Variants in KCNMB2 observed in about 807,000 individuals in gnomAD.
KCNMB2 encodes potassium calcium-activated channel subfamily M regulatory beta subunit 2.
KCNMB2 carries 9 observed loss-of-function variants against 24.5 expected under a neutral mutation model. The ratio of observed to expected loss-of-function variants is 0.37; its 90% CI spans 0.22 to 0.64. The LOEUF is 0.64. KCNMB2 is among the 30% of genes least tolerant of loss of function. KCNMB2 has a pLI of 0.63. For missense variants in KCNMB2, 226 were observed against 284.3 expected (o/e 0.79, Z 1.47); for synonymous variants, 109 against 104.4 (o/e 1.04, Z -0.27).
Position 178,783,233 on chromosome 3 carries a change from C to T in KCNMB2, c.-67-24110C>T, listed in dbSNP as rs1474138040. On this transcript the variant is annotated intron_variant, in intron 1 of 4. Transcript: ENST00000452583. ...TTTGAAGTCAGGTAGCATGATGCCT[C>T]CAGCTTTGTTCTTTTGGCTTAGGAT... 3.9e-5 allele frequency among the ~76,000 whole-genome samples: 6 copies of T among 152,104 alleles called. No homozygotes were observed. In the East Asian group the frequency reaches 1.2e-3, roughly 29 times the overall value.
In KCNMB2 at chr3:178,841,957, C is replaced by T. The variant is rs1715443955; in HGVS notation, c.424-696C>T. On this transcript the variant is annotated intron_variant, in intron 4 of 4. Coordinates refer to ENST00000452583, the MANE Select transcript of KCNMB2 (RefSeq NM_181361.3). Reference sequence around the variant, plus strand: ...GTGGTGATTAAAGAACTGTTTTATTCTTCCTTGGCTTATAGGAAAAGCTGT... The same window carrying T: ...GTGGTGATTAAAGAACTGTTTTATTTTTCCTTGGCTTATAGGAAAAGCTGT... 2.0e-5 allele frequency among the ~76,000 whole-genome samples: 3 copies of T among 152,186 alleles called. No homozygotes were observed. The South Asian group carries it at 6.2e-4, about 31-fold the overall frequency.
At chr3:178,668,134 C>T (rs1348307533) in intron 1 of KCNMB2, among the ~76,000 whole-genome samples, 1 of 152,122 alleles carries the variant, frequency 6.6e-6, no homozygotes, top group African/African-American at 2.4e-5. Flanking sequence ...ACCCACGGAA[C>T]ATGTATTTGC....
chr3:178,760,579 C>G (rs2059692865), intron 1 of KCNMB2, among the ~76,000 whole-genome samples: 2 of 149,230 alleles, frequency 1.3e-5, no homozygotes, highest in Admixed American at 1.4e-4. Context: ...TATCATAACT[C>G]TTCCTTCTTT....
intron 1 of KCNMB2, among the ~76,000 whole-genome samples, chr3:178,673,093 C>T (rs552667550): frequency 6.6e-6 from 1 of 152,218 alleles, no homozygotes; most frequent in Admixed American, 6.5e-5. Context: ...AAAGTGCATA[C>T]CCAATTATTT....
intron 2 of KCNMB2, among the ~76,000 whole-genome samples, chr3:178,822,224 T>C (rs9828153): frequency 0.26 from 39,692 of 152,010 alleles, 6,967 homozygotes; most frequent in African/African-American, 0.51. Flanking sequence ...CCTTTGTTCA[T>C]GTGAGTCTTT....
intron 1 of KCNMB2, among the ~76,000 whole-genome samples, chr3:178,624,093 A>T (rs1719016584): frequency 6.6e-6 from 1 of 152,186 alleles, no homozygotes; most frequent in Non-Finnish European, 1.5e-5. Context: ...CGGTTAGCTA[A>T]CCCAAGGCCC....
chr3:178,728,845 T>G (rs563481053), intron 1 of KCNMB2, among the ~76,000 whole-genome samples: 1 of 152,306 alleles, frequency 6.6e-6, no homozygotes, highest in Non-Finnish European at 1.5e-5. Context: ...TCCTGGAAAG[T>G]TACTCAGGGA....
intron 1 of KCNMB2, among the ~76,000 whole-genome samples, chr3:178,567,923 A>C (rs1716585603): frequency 6.6e-6 from 1 of 152,154 alleles, no homozygotes; most frequent in Admixed American, 6.5e-5. Flanking sequence ...TCCTCACAGT[A>C]CACTAGGTCT....
rs1165468958 is a variant in KCNMB2, at chr3:178,758,493, G to GAT, written c.-67-48833_-67-48832dup. On this transcript the variant is annotated intron_variant, in intron 1 of 4. Transcript: ENST00000452583. ...ATATATATATCTCCAAGAGGTGATTGATATATATATATATATATCTCCAAG... is the reference window on the plus strand; with the variant it reads ...ATATATATATCTCCAAGAGGTGATTGATATATATATATATATATATCTCCAAG... 1.6e-3 allele frequency among the ~76,000 whole-genome samples: 23 copies of GAT among 14,080 alleles called. 1 individual carries two copies. The highest frequency in any genetic ancestry group is 5.0e-3 in the South Asian group (2 of 404). 9.2% of individuals were successfully genotyped at this position (14,080 alleles called of 152,430 possible). A position where few individuals can be genotyped will look rare whatever the true frequency, so the allele number is the denominator to read the frequency against.
At chr3:178,794,372 C>T (rs1005203601) in intron 1 of KCNMB2, among the ~76,000 whole-genome samples, 6 of 151,536 alleles carry the variant, frequency 4.0e-5, no homozygotes, top group African/African-American at 1.2e-4. Context: ...CCTGAACAGC[C>T]TCTCACAGTA....
chr3:178,696,641 C>A (rs1721887766), intron 1 of KCNMB2, among the ~76,000 whole-genome samples: 1 of 151,998 alleles, frequency 6.6e-6, no homozygotes, highest in South Asian at 2.1e-4. Context: ...TTTCTGCTAC[C>A]TTTTGGATTT....
chr3:178,743,398 T>C (rs1401177854), intron 1 of KCNMB2, among the ~76,000 whole-genome samples: 2 of 152,176 alleles, frequency 1.3e-5, no homozygotes, highest in Non-Finnish European at 2.9e-5. Context: ...AGCACTATCC[T>C]CTGAGGATAC....
At chr3:178,672,245 A>G (rs1720924978) in intron 1 of KCNMB2, among the ~76,000 whole-genome samples, 1 of 152,164 alleles carries the variant, frequency 6.6e-6, no homozygotes, top group Admixed American at 6.5e-5. Flanking sequence ...GCCTTGTCAC[A>G]TGGATTCCTT....
At chr3:178,732,474 A>G (rs1035114667) in intron 1 of KCNMB2, among the ~76,000 whole-genome samples, 3 of 152,182 alleles carry the variant, frequency 2.0e-5, no homozygotes, top group Non-Finnish European at 4.4e-5. Flanking sequence ...CTCATACTGT[A>G]AAGTATACTT....
At chr3:178,841,319 G>A (rs1474115651) in intron 4 of KCNMB2, among the ~76,000 whole-genome samples, 2 of 152,150 alleles carry the variant, frequency 1.3e-5, no homozygotes, top group Non-Finnish European at 2.9e-5. Context: ...TCTCTAGGAA[G>A]TTCCAAATTA....
chr3:178,605,976 C>A (rs1321128759), intron 1 of KCNMB2, among the ~76,000 whole-genome samples: 1 of 152,070 alleles, frequency 6.6e-6, no homozygotes, highest in Non-Finnish European at 1.5e-5. Flanking sequence ...ATGTTTGGAA[C>A]ACTAAGGGTG....
chr3:178,570,260 A>G (rs1716724167), intron 1 of KCNMB2, among the ~76,000 whole-genome samples: 1 of 152,138 alleles, frequency 6.6e-6, no homozygotes, highest in Non-Finnish European at 1.5e-5. Context: ...ATGCTGGGAG[A>G]CAAATCATAA....
At chr3:178,656,708 G>A (rs1720356743) in intron 1 of KCNMB2, among the ~76,000 whole-genome samples, 1 of 152,072 alleles carries the variant, frequency 6.6e-6, no homozygotes, top group Admixed American at 6.5e-5. Flanking sequence ...GGAGATGGAG[G>A]TTGCAGTGAG....
At chr3:178,828,114 C>A in intron 3 of KCNMB2, 64 bp from the exon 4 acceptor site, 2 of 1,201,300 alleles carry the variant, frequency 1.7e-6, no homozygotes, top group Non-Finnish European at 1.2e-6. Flanking sequence ...ATAATTCCCT[C>A]GGACTATACC....
Sources: allele counts gnomAD v4.1 joint callset (sites outside exome capture counted in the v4.1 genomes callset), GRCh38; gene constraint gnomAD v4.1.1; transcripts MANE v1.5; gene names NCBI Gene and HGNC (gene_info 2026-07-23, HGNC 2026-07-21).